GATAD2A: variants seen among roughly 807,000 people sequenced by gnomAD.
The protein encoded by GATAD2A is transcriptional repressor p66-alpha.
In GATAD2A, 12 loss-of-function variants were observed where a neutral mutation model predicts 68.5. The observed-to-expected ratio is 0.18, with a 90% CI of 0.11 to 0.28. The LOEUF (loss-of-function observed/expected upper bound fraction) is 0.28. GATAD2A is among the 10% of genes least tolerant of loss of function. GATAD2A has a pLI of 1.00. For synonymous variants in GATAD2A, 410 were observed against 375.3 expected, an observed-to-expected ratio of 1.09 and a Z score of -1.07; for missense variants, 755 against 868.5, an observed-to-expected ratio of 0.87 and a Z score of 1.64.
chr19:19,388,056 TC>T (rs137895996), intron 1 of GATAD2A, among the ~76,000 whole-genome samples: 13,125 of 136,960 alleles, frequency 0.096, 1,869 homozygotes, highest in African/African-American at 0.31. Flanking sequence ...AAGCTTCTCC[TC>T]CTTTTTTTTT....
intron 1 of GATAD2A, among the ~76,000 whole-genome samples, chr19:19,406,451 CGCGGCGGCGGCG>C (rs535696257): frequency 8.2e-5 from 12 of 147,214 alleles, no homozygotes; most frequent in South Asian, 2.4e-4. Context: ...CGCTGAACCC[CGCGGCGGCGGCG>C]GCGGCGGCGG....
At chr19:19,429,759 G>A (rs2053526843) in intron 1 of GATAD2A, among the ~76,000 whole-genome samples, 2 of 151,960 alleles carry the variant, frequency 1.3e-5, no homozygotes, top group Admixed American at 6.5e-5. Context: ...TGGGAACTCC[G>A]GCCTCCAGTG....
chr19:19,415,440 C>T (rs2147177759), intron 1 of GATAD2A, among the ~76,000 whole-genome samples: 1 of 151,652 alleles, frequency 6.6e-6, no homozygotes, highest in Non-Finnish European at 1.5e-5. Context: ...CAGACGTGAG[C>T]CACCACGCCC....
At chr19:19,493,463 G>A (rs556906697) in intron 4 of GATAD2A, among the ~76,000 whole-genome samples, 5 of 152,338 alleles carry the variant, frequency 3.3e-5, no homozygotes, top group African/African-American at 1.2e-4. Context: ...ACTGTCGGGA[G>A]GGTCCTGCTT....
chr19:19,453,667 TAATTTTTTTAA>T (rs1458882164), intron 1 of GATAD2A, among the ~76,000 whole-genome samples: 1 of 140,006 alleles, frequency 7.1e-6, no homozygotes, highest in Admixed American at 7.4e-5. Context: ...GGCTATTTTT[TAATTTTTTTAA>T]AATTTTTTTT....
At chr19:19,478,766 C>T (rs889790484) in intron 2 of GATAD2A, among the ~76,000 whole-genome samples, 10 of 150,122 alleles carry the variant, frequency 6.7e-5, no homozygotes, top group Non-Finnish European at 1.5e-4. Context: ...GTTGAGATGG[C>T]ACCACTGTAC....
chr19:19,401,236 A>G (rs1012312155), upstream of GATAD2A, among the ~76,000 whole-genome samples: 2 of 133,478 alleles, frequency 1.5e-5, no homozygotes, highest in African/African-American at 5.7e-5. Context: ...TTTTTTGAGA[A>G]GGAGTCTCCT....
intron 1 of GATAD2A, among the ~76,000 whole-genome samples, chr19:19,450,743 TAAAAA>T (rs3031870): frequency 1.6e-5 from 2 of 125,130 alleles, no homozygotes; most frequent in African/African-American, 3.0e-5. Context: ...CTCATTACAT[TAAAAA>T]AAAAAAAAAA....
At chr19:19,477,288 C>T (rs1345822148) in intron 2 of GATAD2A, among the ~76,000 whole-genome samples, 1 of 152,186 alleles carries the variant, frequency 6.6e-6, no homozygotes, top group Non-Finnish European at 1.5e-5. Context: ...TGCTTGGGAC[C>T]TGTGCCATAG....
intron 1 of GATAD2A, among the ~76,000 whole-genome samples, chr19:19,421,349 A>G (rs1033008162): frequency 6.6e-6 from 1 of 152,086 alleles, no homozygotes; most frequent in Non-Finnish European, 1.5e-5. Context: ...CCCTGCCCCT[A>G]TGGCCCTGCC....
chr19:19,452,025 A>AT (rs1207882590), intron 1 of GATAD2A, among the ~76,000 whole-genome samples: 1 of 152,192 alleles, frequency 6.6e-6, no homozygotes, highest in African/African-American at 2.4e-5. Flanking sequence ...TTCTGAGACA[A>AT]TTGAGCAAGA....
At chr19:19,389,039 A>T (rs552843415) in intron 1 of GATAD2A, among the ~76,000 whole-genome samples, 2 of 152,128 alleles carry the variant, frequency 1.3e-5, no homozygotes, top group South Asian at 4.2e-4. Context: ...CCCAAAAGGA[A>T]CTTTTTACGT....
Position 19,457,262 on chromosome 19 carries a change from C to A in GATAD2A, c.-6-8078C>A, listed in dbSNP as rs1051221772. 10 of 984,572 alleles carry A rather than the reference C, an allele frequency of 1.0e-5. No homozygotes were observed. The Admixed American group carries it at 3.1e-4, about 30-fold the overall frequency. 61.0% of individuals were successfully genotyped at this position (984,572 alleles called of 1,614,324 possible). A position where few individuals can be genotyped will look rare whatever the true frequency, so the allele number is the denominator to read the frequency against. On this transcript the variant is annotated intron_variant, in intron 1 of 11. Coordinates refer to ENST00000683918, the MANE Select transcript of GATAD2A (RefSeq NM_001384528.1). ...ATTGGGACATTCTGAGGGCTCATAC[C>A]TTCTGGCTGCAGGTTCTTCCCAGGG...
chr19:19,403,715 C>T (rs761971575), upstream of GATAD2A, among the ~76,000 whole-genome samples: 7 of 152,156 alleles, frequency 4.6e-5, no homozygotes, highest in Non-Finnish European at 8.8e-5. Context: ...AATCAAGACC[C>T]AGGTGAGGAG....
At chr19:19,451,621 T>C (rs978289710) in intron 1 of GATAD2A, among the ~76,000 whole-genome samples, 1 of 152,044 alleles carries the variant, frequency 6.6e-6, no homozygotes, top group African/African-American at 2.4e-5. Flanking sequence ...GAGGAAGTAG[T>C]GTGGGTTGAA....
rs2060308513 is a variant in GATAD2A, at chr19:19,498,638, A to G, written c.1120A>G (p.Asn374Asp). 1 of 1,613,854 alleles carries G rather than the reference A, an allele frequency of 6.2e-7. No homozygotes were observed. The highest frequency in any genetic ancestry group is 8.5e-7 in the Non-Finnish European group (1 of 1,179,940). ...PPPKPPAPEM[N>D]FLPSAANNEF... Reference sequence around the variant, plus strand: ...ACCCAAGCCCCCAGCCCCAGAGATGAACTTCCTGCCCAGCGCCGCCAACAA... The same window carrying G: ...ACCCAAGCCCCCAGCCCCAGAGATGGACTTCCTGCCCAGCGCCGCCAACAA... The change falls in exon 8 of 12, where the codon AAC (asparagine) becomes GAC (aspartate). Residue 374 changes from asparagine to aspartate, a missense_variant. Asn to Asp is a conservative substitution (Grantham distance 23). Transcript: ENST00000683918.
intron 1 of GATAD2A, among the ~76,000 whole-genome samples, chr19:19,436,644 C>T (rs1458713901): frequency 1.3e-5 from 2 of 152,232 alleles, no homozygotes; most frequent in Middle Eastern, 3.2e-3. Flanking sequence ...CTTACCTTGC[C>T]TCGTGCCTCA....
chr19:19,393,987 A>G lies in GATAD2A; in HGVS notation c.-7+7849A>G, dbSNP rs573841603. On this transcript the variant is annotated intron_variant, in intron 1 of 11. Coordinates refer to the GATAD2A transcript ENST00000360315. The stretch of plus-strand genomic sequence containing the variant: ...CTGCAACCTCCACCTCCTGGGTTCA[A>G]GTGATTCTCCTACCTCAGCCTCCCG... 3.1e-3 allele frequency among the ~76,000 whole-genome samples: 475 copies of G among 152,010 alleles called. 1 individual carries two copies. Among genetic ancestry groups the G allele is most frequent in the Non-Finnish European group, 5.5e-3 (372 of 67,976 alleles).
intron 2 of GATAD2A, among the ~76,000 whole-genome samples, chr19:19,474,959 G>A (rs1211716759): frequency 1.3e-5 from 2 of 152,012 alleles, no homozygotes; most frequent in East Asian, 1.9e-4. Flanking sequence ...ATGGAAGCAC[G>A]AGGCCAGGCA....
Sources: allele counts gnomAD v4.1 joint callset (sites outside exome capture counted in the v4.1 genomes callset), GRCh38; gene constraint gnomAD v4.1.1; transcripts MANE v1.5; gene names NCBI Gene and HGNC (gene_info 2026-07-23, HGNC 2026-07-21).